The following SPTLC3 variants were observed in gnomAD, a reference collection of about 807,000 sequenced individuals.
SPTLC3 encodes serine palmitoyltransferase long chain base subunit 3.
SPTLC3 carries 36 observed loss-of-function variants against 59.3 expected under a neutral mutation model. That is an observed-to-expected ratio of 0.61 (90% CI 0.47 to 0.80). The LOEUF (loss-of-function observed/expected upper bound fraction) is 0.80, where lower values mean the gene tolerates loss of function less well. SPTLC3 is among the 30% of genes least tolerant of loss of function. SPTLC3 has a pLI of 0.00. For missense variants in SPTLC3, 625 were observed against 685.1 expected (o/e 0.91, Z 0.98); for synonymous variants, 257 against 240.8 (o/e 1.07, Z -0.62).
intron 8 of SPTLC3, among the ~76,000 whole-genome samples, chr20:13,123,132 A>G (rs917175555): frequency 6.6e-6 from 1 of 152,164 alleles, no homozygotes; most frequent in African/African-American, 2.4e-5. Flanking sequence ...GGAGTTCGAG[A>G]CCAGCCTGGC....
At chr20:13,044,527 ATCCTTGG>A (rs1266868125) in intron 1 of SPTLC3, among the ~76,000 whole-genome samples, 1 of 152,148 alleles carries the variant, frequency 6.6e-6, no homozygotes, top group Non-Finnish European at 1.5e-5. Flanking sequence ...AGCCATATAT[ATCCTTGG>A]TCAATATATA....
Position 13,094,693 on chromosome 20 carries a change from G to A in SPTLC3, c.826+1116G>A, listed in dbSNP as rs534803405. Among the ~76,000 whole-genome samples the A allele has an allele frequency of 1.4e-4, 22 of 152,288 alleles. No homozygotes were observed. In the South Asian group the frequency reaches 4.4e-3, roughly 30 times the overall value. On this transcript the variant is annotated intron_variant, in intron 6 of 11. Transcript: ENST00000399002. ...AAAATGCATGGGAGTATTCTCAAGT[G>A]AACCCCCTTGTCTAACTCGTAGAGT... is the stretch of plus-strand genomic sequence containing the variant.
At chr20:13,061,099 C>T (rs1283218571) in intron 2 of SPTLC3, among the ~76,000 whole-genome samples, 1 of 151,928 alleles carries the variant, frequency 6.6e-6, no homozygotes, top group Non-Finnish European at 1.5e-5. Flanking sequence ...CTTTTTTCTC[C>T]ACAATCTTGC....
chr20:13,091,357 G>A (rs551849993), intron 5 of SPTLC3, 150 bp downstream of exon 5: 6 of 899,520 alleles, frequency 6.7e-6, no homozygotes, highest in East Asian at 3.0e-5. Context: ...GGCGGATCAC[G>A]AGGTCAAGAG....
chr20:13,076,838 A>T (rs1009592805), intron 4 of SPTLC3, among the ~76,000 whole-genome samples: 1 of 152,218 alleles, frequency 6.6e-6, no homozygotes, highest in Admixed American at 6.5e-5. Flanking sequence ...AGGTCATGTC[A>T]GTAGAAGGAG....
chr20:13,015,375 A>G (rs895293360), intron 1 of SPTLC3, among the ~76,000 whole-genome samples: 1 of 152,230 alleles, frequency 6.6e-6, no homozygotes, highest in African/African-American at 2.4e-5. Context: ...ATTGGAAAGC[A>G]TGACTGAAGT....
chr20:13,059,863 C>T lies in SPTLC3; in HGVS notation c.303+10733C>T, dbSNP rs542444495. The stretch of plus-strand genomic sequence containing the variant: ...ATCTTAAATTCCATGGGCTTTGAAA[C>T]GACCTCATCTTGATACCCACCCCCA... On this transcript the variant is annotated intron_variant, in intron 2 of 11. Transcript: ENST00000399002. Among the ~76,000 whole-genome samples, 113 of 152,178 alleles carry T rather than the reference C, an allele frequency of 7.4e-4. 1 individual carries two copies. Among genetic ancestry groups the T allele is most frequent in the Non-Finnish European group, 9.1e-4 (62 of 68,016 alleles).
chr20:13,022,083 C>A (rs930320355), intron 1 of SPTLC3, among the ~76,000 whole-genome samples: 1 of 152,172 alleles, frequency 6.6e-6, no homozygotes. Context: ...TTTCCTCCTC[C>A]CGCTCTCTAA....
chr20:13,033,452 A>T (rs1986591902), intron 1 of SPTLC3, among the ~76,000 whole-genome samples: 1 of 152,184 alleles, frequency 6.6e-6, no homozygotes, highest in African/African-American at 2.4e-5. Flanking sequence ...TTGGCCATCA[A>T]CATTCAGATG....
Position 13,126,698 on chromosome 20 carries a change from A to G in SPTLC3, c.1260A>G (p.Gly420=), listed in dbSNP as rs757998687. Reference sequence around the variant, plus strand: ...TCAGATCACTAAAACTTATCATGGGACTGGATGGGACCACTCAAGGTAAGA... The same window carrying G: ...TCAGATCACTAAAACTTATCATGGGGCTGGATGGGACCACTCAAGGTAAGA... The part of the protein sequence containing the change: ...QIIRSLKLIM[G]LDGTTQGLQR... Residue 420 remains glycine (G), a synonymous_variant, in exon 9 of 12, where the codon GGA becomes GGG. Coordinates refer to ENST00000399002, the MANE Select transcript of SPTLC3 (RefSeq NM_018327.4). The G allele has an allele frequency of 1.1e-5, 17 of 1,613,968 alleles. No individual in the cohort carries two copies. Among genetic ancestry groups the G allele is most frequent in the Non-Finnish European group, 1.4e-5 (17 of 1,179,896 alleles).
At chr20:13,071,431 T>C (rs1988430996) in intron 2 of SPTLC3, among the ~76,000 whole-genome samples, 1 of 152,190 alleles carries the variant, frequency 6.6e-6, no homozygotes, top group South Asian at 2.1e-4. Flanking sequence ...AATCTGATTT[T>C]TCCTAAATAG....
chr20:13,070,673 G>A (rs1319471347), intron 2 of SPTLC3, among the ~76,000 whole-genome samples: 1 of 152,110 alleles, frequency 6.6e-6, no homozygotes. Flanking sequence ...AATGCTTCGG[G>A]TCCTCAAGCT....
At chr20:13,100,556 C>T (rs6105038) in intron 6 of SPTLC3, among the ~76,000 whole-genome samples, 2 of 152,036 alleles carry the variant, frequency 1.3e-5, no homozygotes, top group South Asian at 4.2e-4. Context: ...ATAGCAAGAC[C>T]TCATTTCTTA....
chr20:13,027,949 G>T (rs1222471346), intron 1 of SPTLC3, among the ~76,000 whole-genome samples: 2 of 151,932 alleles, frequency 1.3e-5, no homozygotes, highest in Non-Finnish European at 2.9e-5. Flanking sequence ...ACCTTCTTTG[G>T]AGTCTTTGAC....
intron 6 of SPTLC3, among the ~76,000 whole-genome samples, chr20:13,096,894 G>C (rs1426261273): frequency 6.6e-6 from 1 of 152,062 alleles, no homozygotes; most frequent in Non-Finnish European, 1.5e-5. Flanking sequence ...CAGCTTATTA[G>C]ACTGTGAAAC....
intron 5 of SPTLC3, among the ~76,000 whole-genome samples, chr20:13,092,691 T>C (rs561582072): frequency 6.6e-6 from 1 of 152,164 alleles, no homozygotes; most frequent in South Asian, 2.1e-4. Flanking sequence ...AGAGTACAAA[T>C]ATATGGGAAT....
chr20:13,151,093 T>C (rs1007597809), intron 9 of SPTLC3, among the ~76,000 whole-genome samples: 3 of 152,234 alleles, frequency 2.0e-5, no homozygotes, highest in Non-Finnish European at 4.4e-5. Context: ...CTATTGTTAC[T>C]GACTCACCTT....
chr20:13,100,045 C>A (rs1568600981), intron 6 of SPTLC3, among the ~76,000 whole-genome samples: 2 of 152,180 alleles, frequency 1.3e-5, no homozygotes, highest in Non-Finnish European at 2.9e-5. Context: ...CTTAACAATA[C>A]TCTTCTGCCT....
intron 8 of SPTLC3, among the ~76,000 whole-genome samples, chr20:13,121,667 T>TG (rs991647605): frequency 5.9e-5 from 9 of 151,888 alleles, no homozygotes; most frequent in Non-Finnish European, 1.0e-4. Flanking sequence ...TAGCACCCAA[T>TG]GGGGGAACGA....
Sources: allele counts gnomAD v4.1 joint callset (sites outside exome capture counted in the v4.1 genomes callset), GRCh38; gene constraint gnomAD v4.1.1; transcripts MANE v1.5; gene names NCBI Gene and HGNC (gene_info 2026-07-23, HGNC 2026-07-21).